Variants in USP12 observed in about 807,000 individuals in gnomAD.
USP12 encodes the protein ubiquitin specific peptidase 12.
In USP12, 19 loss-of-function variants were observed where a neutral mutation model predicts 45.5. That is an observed-to-expected ratio of 0.42 (90% CI 0.29 to 0.61). USP12 has a LOEUF of 0.61. Among genes scored for constraint, USP12 ranks in the 20% least tolerant of loss-of-function variants. The probability of loss-of-function intolerance (pLI) is 0.22; values close to 1 mark genes in which losing one functional copy is unlikely to be tolerated. For synonymous variants in USP12, 149 were observed against 148.8 expected, an observed-to-expected ratio of 1.00 and a Z score of -0.01; for missense variants, 242 against 447.7, an observed-to-expected ratio of 0.54 and a Z score of 4.15.
chr13:27,167,211 A>C (rs138173008), intron 1 of USP12, among the ~76,000 whole-genome samples: 2 of 151,970 alleles, frequency 1.3e-5, no homozygotes, highest in Admixed American at 6.6e-5. Context: ...GCGGTGAGCC[A>C]AGATTGCAGC....
chr13:27,071,006 A>G, intron 8 of USP12, 65 bp downstream of exon 8: 1 of 1,354,370 alleles, frequency 7.4e-7, no homozygotes, highest in Non-Finnish European at 1.0e-6. Flanking sequence ...AAAAACTATG[A>G]GAAAAAAGTG....
At chr13:27,158,796 A>G (rs1453962135) in intron 1 of USP12, among the ~76,000 whole-genome samples, 1 of 152,212 alleles carries the variant, frequency 6.6e-6, no homozygotes, top group Non-Finnish European at 1.5e-5. Flanking sequence ...ATATAACCAA[A>G]CCTTTCAATA....
chr13:27,130,067 A>C (rs1442545174), intron 1 of USP12, among the ~76,000 whole-genome samples: 1 of 152,230 alleles, frequency 6.6e-6, no homozygotes, highest in East Asian at 1.9e-4. Flanking sequence ...CACAGCATGC[A>C]AACCAGCTAC....
chr13:27,092,977 A>G (rs1054234917), intron 4 of USP12, among the ~76,000 whole-genome samples: 2 of 152,184 alleles, frequency 1.3e-5, no homozygotes, highest in Admixed American at 6.5e-5. Flanking sequence ...TGGGTGGATC[A>G]CTTGAGGTCG....
chr13:27,090,192 A>G, intron 4 of USP12, 34 bp from the exon 5 acceptor site: 1 of 1,525,840 alleles, frequency 6.6e-7, no homozygotes, highest in Non-Finnish European at 9.0e-7. Flanking sequence ...TGATTTTTTC[A>G]AATACTAGTA....
chr13:27,144,054 C>A lies in USP12; in HGVS notation c.49-27458G>T, dbSNP rs1429411690. On this transcript the variant is annotated intron_variant, in intron 1 of 8. Transcript: ENST00000282344. ...CCCTGTCTCTACTAAGACTATGAAACTTAGCCAGGTGTGGTGGCACATGCC... is the reference window on the plus strand; with the variant it reads ...CCCTGTCTCTACTAAGACTATGAAAATTAGCCAGGTGTGGTGGCACATGCC... Among the ~76,000 whole-genome samples, 3 of 152,038 alleles carry A rather than the reference C, an allele frequency of 2.0e-5. No individual in the cohort carries two copies. In the East Asian group the frequency reaches 5.8e-4, roughly 29 times the overall value.
chr13:27,120,042 A>G (rs1048748235), intron 1 of USP12, among the ~76,000 whole-genome samples: 1 of 152,232 alleles, frequency 6.6e-6, no homozygotes, highest in Non-Finnish European at 1.5e-5. Flanking sequence ...GTTGTTTTTA[A>G]ATTTAACAGT....
intron 6 of USP12, among the ~76,000 whole-genome samples, chr13:27,079,528 A>T (rs1873652325): frequency 6.6e-6 from 1 of 152,188 alleles, no homozygotes; most frequent in Non-Finnish European, 1.5e-5. Context: ...GGAAGGACTG[A>T]CATTGCCTGC....
chr13:27,117,016 T>C (rs1875777489), intron 1 of USP12, among the ~76,000 whole-genome samples: 1 of 152,152 alleles, frequency 6.6e-6, no homozygotes, highest in Non-Finnish European at 1.5e-5. Context: ...TTCATAATAT[T>C]GTCACAATTA....
intron 1 of USP12, among the ~76,000 whole-genome samples, chr13:27,147,762 G>C (rs1243003607): frequency 8.1e-5 from 12 of 148,626 alleles, no homozygotes; most frequent in Non-Finnish European, 3.0e-5. Context: ...TCAAAGAAAG[G>C]AAAAAAAAAA....
chr13:27,104,060 G>T (rs1679892095), intron 3 of USP12, among the ~76,000 whole-genome samples: 2 of 152,062 alleles, frequency 1.3e-5, no homozygotes, highest in African/African-American at 4.8e-5. Flanking sequence ...TAGAGACAGG[G>T]TCTTGCTCTG....
At chr13:27,097,307 T>A (rs1009819004) in intron 3 of USP12, among the ~76,000 whole-genome samples, 8 of 151,928 alleles carry the variant, frequency 5.3e-5, no homozygotes, top group Non-Finnish European at 8.8e-5. Flanking sequence ...CTCTACTAAA[T>A]ACAAAAAATT....
At chr13:27,103,477 G>T (rs1239339076) in intron 3 of USP12, among the ~76,000 whole-genome samples, 1 of 151,616 alleles carries the variant, frequency 6.6e-6, no homozygotes. Context: ...AAACTTATGA[G>T]AAGATGGGCT....
Position 27,106,159 on chromosome 13 carries a change from C to G in USP12, c.130-215G>C, listed in dbSNP as rs191665305. Among the ~76,000 whole-genome samples, 46 of 152,016 alleles carry G rather than the reference C, an allele frequency of 3.0e-4. No homozygotes were observed. In the East Asian group the frequency reaches 8.3e-3, roughly 27 times the overall value. ...TTTTCTATCAGGTTCTTAGGTACAT[C>G]CAAATTAAAACACACAAAAACAAAA... On this transcript the variant is annotated intron_variant, in intron 2 of 8. Transcript: ENST00000282344.
chr13:27,073,120 C>A (rs1187967785), intron 7 of USP12, among the ~76,000 whole-genome samples: 2 of 151,856 alleles, frequency 1.3e-5, no homozygotes, highest in African/African-American at 4.8e-5. Context: ...GAGACTGAGG[C>A]TGGGCAGAAG....
intron 2 of USP12, 119 bp downstream of exon 2, chr13:27,116,397 T>C (rs1875743986): frequency 1.2e-6 from 1 of 822,850 alleles, no homozygotes; most frequent in East Asian, 3.2e-5. Flanking sequence ...TCAAGTCTCT[T>C]AGCATTTAAT....
intron 3 of USP12, among the ~76,000 whole-genome samples, chr13:27,102,840 C>T (rs1874937228): frequency 6.6e-6 from 1 of 152,224 alleles, no homozygotes; most frequent in Admixed American, 6.5e-5. Flanking sequence ...AGTTCCTAAA[C>T]AGTGTCTGGC....
intron 1 of USP12, among the ~76,000 whole-genome samples, chr13:27,148,099 A>G (rs1464166006): frequency 6.6e-6 from 1 of 151,366 alleles, no homozygotes; most frequent in Non-Finnish European, 1.5e-5. Flanking sequence ...ACTGCACTCC[A>G]GACTGGGCAA....
At chr13:27,165,346 C>T (rs1204034800) in intron 1 of USP12, among the ~76,000 whole-genome samples, 1 of 152,080 alleles carries the variant, frequency 6.6e-6, no homozygotes, top group Non-Finnish European at 1.5e-5. Context: ...GGGGTATATA[C>T]TACTAATAAA....
Sources: allele counts gnomAD v4.1 joint callset (sites outside exome capture counted in the v4.1 genomes callset), GRCh38; gene constraint gnomAD v4.1.1; transcripts MANE v1.5; gene names NCBI Gene and HGNC (gene_info 2026-07-23, HGNC 2026-07-21).